The following ADAMTSL5 variants were observed in gnomAD, a reference collection of about 807,000 sequenced individuals.
The protein encoded by ADAMTSL5 is ADAMTS-like protein 5.
Under a neutral mutation model 51.7 loss-of-function variants are expected in ADAMTSL5, and 53 were observed. That is an observed-to-expected ratio of 1.03 (90% CI 0.82 to 1.29). The LOEUF (loss-of-function observed/expected upper bound fraction) is 1.29, where lower values mean the gene tolerates loss of function less well. Ranked by LOEUF, ADAMTSL5 falls within the 50% of genes most tolerant of loss-of-function variation. The probability of loss-of-function intolerance (pLI) is 0.00; values close to 1 mark genes in which losing one functional copy is unlikely to be tolerated. For synonymous variants in ADAMTSL5, 285 were observed against 278.7 expected (o/e 1.02, Z -0.23); for missense variants, 770 against 676.2 (o/e 1.14, Z -1.54).
rs566577816 is a variant in ADAMTSL5, at chr19:1,508,601, A to C, written c.362-31T>G. 5.4e-6 allele frequency: 8 copies of C among 1,485,178 alleles called. No homozygotes were observed. The East Asian group carries it at 2.0e-4, about 38-fold the overall frequency. 92.0% of individuals were successfully genotyped at this position (1,485,178 alleles called of 1,614,324 possible). On this transcript the variant is annotated intron_variant, in intron 5 of 11. Transcript: ENST00000330475. ...GGCAGGAGGAGTCGGTGGGCCGGGGACCCCTGTTCGAGCTCCAGTCCCCCT... is the reference window on the plus strand; with the variant it reads ...GGCAGGAGGAGTCGGTGGGCCGGGGCCCCCTGTTCGAGCTCCAGTCCCCCT...
chr19:1,510,040 C>T (rs1055646626), intron 5 of ADAMTSL5, 110 bp downstream of exon 5: 1 of 846,928 alleles, frequency 1.2e-6, no homozygotes. Context: ...TCCTTCAAAG[C>T]CCTAGCACTA....
chr19:1,507,513 C>T (rs762148041), intron 8 of ADAMTSL5, 44 bp downstream of exon 8: 2 of 1,608,636 alleles, frequency 1.2e-6, no homozygotes, highest in Non-Finnish European at 1.7e-6. Context: ...ACAACCGCCC[C>T]CGGGTGCCCA....
rs773263469 is a variant in ADAMTSL5, at chr19:1,506,557, G to A, written c.1114+33C>T. 2.5e-6 allele frequency: 4 copies of A among 1,602,874 alleles called. No individual in the cohort carries two copies. The South Asian group carries it at 3.4e-5, about 14-fold the overall frequency. On this transcript the variant is annotated intron_variant, in intron 11 of 11. Transcript: ENST00000330475. The surrounding 1 kb of genome is among the most constrained non-coding windows in gnomAD (Gnocchi z 5.6). ...GGTCAGGAGGAGGCCAGGTTAGTAG[G>A]GGCTAAGTCAGGGTAGAGGTCGGGG...
intron 5 of ADAMTSL5, 111 bp downstream of exon 5, chr19:1,510,039 G>T: frequency 1.2e-6 from 1 of 837,314 alleles, no homozygotes; most frequent in African/African-American, 1.7e-5. Context: ...ATCCTTCAAA[G>T]CCCTAGCACT....
chr19:1,511,041 G>A lies in ADAMTSL5; in HGVS notation c.-98C>T, dbSNP rs550499100. Reference sequence around the variant, plus strand: ...TAAACCTCTCTGAGCCCTACCTCTCGTCTCTGAAAAACGGGGTAATAGAGC... The same window carrying A: ...TAAACCTCTCTGAGCCCTACCTCTCATCTCTGAAAAACGGGGTAATAGAGC... On this transcript the variant is annotated 5_prime_UTR_variant, in exon 2 of 12. In the 5' UTR this introduces an upstream ATG that the reference lacks. Transcript: ENST00000330475. 2.8e-5 allele frequency: 27 copies of A among 968,716 alleles called. No homozygotes were observed. Among genetic ancestry groups the A allele is most frequent in the South Asian group, 1.2e-4 (3 of 25,040 alleles). 60.0% of individuals were successfully genotyped at this position (968,716 alleles called of 1,614,324 possible).
chr19:1,510,773 G>A (rs772399599), intron 2 of ADAMTSL5, 43 bp from the exon 3 acceptor site: 24 of 1,520,942 alleles, frequency 1.6e-5, no homozygotes, highest in South Asian at 9.8e-5. Context: ...GTAGGGGGAC[G>A]CTGGTGACCC....
rs747344681 is a variant in ADAMTSL5 at position 1,506,803 on chromosome 19, C to T, written c.978G>A (p.Gly326=). Residue 326 remains glycine, a synonymous_variant, in exon 10 of 12, where the codon GGG becomes GGA. Coordinates refer to ENST00000330475, the MANE Select transcript of ADAMTSL5 (RefSeq NM_213604.3). The surrounding 1 kb of genome is among the most constrained non-coding windows in gnomAD (Gnocchi z 5.6). ...GWPLRQPQPR[G]VEPQPPAAPA... is the part of the protein sequence containing the mutation. ...GGGCTGCGGGGGGCTGAGGCTCCAC[C>T]CCCCGGGGCTGAGGCTGCCTCAGGG... The T allele has an allele frequency of 1.9e-6, 3 of 1,539,016 alleles. No individual in the cohort carries two copies. Among genetic ancestry groups the T allele is most frequent in the Non-Finnish European group, 2.6e-6 (3 of 1,143,534 alleles).
chr19:1,508,088 AC>A lies in ADAMTSL5; in HGVS notation c.510del (p.Leu170PhefsTer40). The A allele has an allele frequency of 6.2e-7, 1 of 1,610,132 alleles. No homozygotes were observed. Among genetic ancestry groups the A allele is most frequent in the Non-Finnish European group, 8.5e-7 (1 of 1,178,824 alleles). On this transcript the variant is annotated frameshift_variant, in exon 7 of 12. Transcript: ENST00000330475. LOFTEE classifies it high-confidence loss of function. ...CGGTCCTCGAGGGCACCCGAGCCCA[AC>A]AACCCATCACAGCCGGCGCTCTAAA... ...GRCLSAGCDG[L>X]LGSGALEDRC...
At chr19:1,510,800 TC>T in intron 2 of ADAMTSL5, 44 bp downstream of exon 2, 1 of 1,512,960 alleles carries the variant, frequency 6.6e-7, no homozygotes, top group Non-Finnish European at 8.9e-7. Flanking sequence ...GCTGACTGGG[TC>T]CCCATTCCCA....
Position 1,508,423 on chromosome 19 carries a change from G to T in ADAMTSL5, c.489+20C>A. On this transcript the variant is annotated intron_variant, in intron 6 of 11. Transcript: ENST00000330475. ...AGTGGGAGGTGGGCGGGGCTCGGGC[G>T]GGGCCTGACGAGTCCTTACAAGGCA... 6.6e-7 allele frequency: 1 copy of T among 1,515,776 alleles called. No individual in the cohort carries two copies. The highest frequency in any genetic ancestry group is 1.2e-5 in the South Asian group (1 of 80,794). 93.9% of individuals were successfully genotyped at this position (1,515,776 alleles called of 1,614,324 possible).
chr19:1,510,389 C>G lies in ADAMTSL5; in HGVS notation c.231G>C (p.Glu77Asp). 6.2e-7 allele frequency: 1 copy of G among 1,613,174 alleles called. No homozygotes were observed. The highest frequency in any genetic ancestry group is 8.5e-7 in the Non-Finnish European group (1 of 1,179,874). The change falls in exon 4 of 12, where the codon GAG becomes GAC. Residue 77 changes from glutamate to aspartate, a missense_variant. Glu to Asp is a conservative substitution (Grantham distance 45). Coordinates refer to ENST00000330475, the MANE Select transcript of ADAMTSL5 (RefSeq NM_213604.3). The part of the protein sequence containing the change: ...GEEPCWGDSH[E>D]YRLCQLPDCP... Reference sequence around the variant, plus strand: ...TTACTGGCAACTGGCAGAGGCGGTACTCATGGGAGTCTCCCCAGCACGGTT... The same window carrying G: ...TTACTGGCAACTGGCAGAGGCGGTAGTCATGGGAGTCTCCCCAGCACGGTT...
chr19:1,507,204 G>A lies in ADAMTSL5; in HGVS notation c.852+38C>T, dbSNP rs376261059. Reference sequence around the variant, plus strand: ...CCCCAGCCTCTCCCCTCTGTCCCCAGCCGACCCCCTCTGACCCTGTTGGAG... The same window carrying A: ...CCCCAGCCTCTCCCCTCTGTCCCCAACCGACCCCCTCTGACCCTGTTGGAG... On this transcript the variant is annotated intron_variant, in intron 9 of 11. Transcript: ENST00000330475. The A allele has an allele frequency of 1.2e-4, 187 of 1,514,638 alleles. 1 individual carries two copies. The highest frequency in any genetic ancestry group is 1.6e-4 in the Non-Finnish European group (178 of 1,134,306). 93.8% of individuals were successfully genotyped at this position (1,514,638 alleles called of 1,614,324 possible).
In ADAMTSL5 at chr19:1,510,892, G is replaced by A; in HGVS notation, c.52C>T (p.Leu18Phe). 1 of 1,524,346 alleles carries A rather than the reference G, an allele frequency of 6.6e-7. No homozygotes were observed. Among genetic ancestry groups the A allele is most frequent in the Non-Finnish European group, 8.7e-7 (1 of 1,144,504 alleles). 94.4% of individuals were successfully genotyped at this position (1,524,346 alleles called of 1,614,324 possible). ...PRPHLFQNLL[L>F]FLWALLNCGL... ...CAGTTCAGCAGGGCCCACAGGAAGA[G>A]CAGGAGGTTCTGGAAGAGGTGGGGC... Residue 18 changes from leucine to phenylalanine, a missense_variant, in exon 2 of 12, where the codon CTC becomes TTC. Leu to Phe is a conservative substitution (Grantham distance 22, BLOSUM62 0). Coordinates refer to ENST00000330475, the MANE Select transcript of ADAMTSL5 (RefSeq NM_213604.3).
chr19:1,510,404 C>T lies in ADAMTSL5; in HGVS notation c.216G>A (p.Trp72Ter). The T allele has an allele frequency of 6.2e-7, 1 of 1,612,478 alleles. No homozygotes were observed. The highest frequency in any genetic ancestry group is 8.5e-7 in the Non-Finnish European group (1 of 1,179,782). ...AGAGGCGGTACTCATGGGAGTCTCC[C>T]CAGCACGGTTCTTCCCCAGGAAGCC... ...CLRLPGEEPCWGDSHEYRLCQ... is the reference protein window; with the variant it reads ...CLRLPGEEPC The change falls in exon 4 of 12, where the codon TGG becomes TGA. Residue 72 changes from tryptophan (W) to a stop codon, truncating the protein, a stop_gained. Coordinates refer to ENST00000330475, the MANE Select transcript of ADAMTSL5 (RefSeq NM_213604.3). LOFTEE classifies it high-confidence loss of function.
Position 1,506,736 on chromosome 19 carries a change from C to T in ADAMTSL5, c.1042+3G>A, listed in dbSNP as rs762472986. ...TCCCCCACCCTGGCTGTCCCCACCT[C>T]ACCTGGGGCCAGCGTTGGGGTCTGT... On this transcript the variant is annotated splice_donor_region_variant and intron_variant, in intron 10 of 11. Transcript: ENST00000330475. The surrounding 1 kb of genome is among the most constrained non-coding windows in gnomAD (Gnocchi z 5.6). The T allele has an allele frequency of 7.1e-6, 11 of 1,555,840 alleles. No individual in the cohort carries two copies. Among genetic ancestry groups the T allele is most frequent in the Non-Finnish European group, 9.6e-6 (11 of 1,149,622 alleles).
chr19:1,508,684 C>G, intron 5 of ADAMTSL5, 114 bp from the exon 6 acceptor site: 9 of 1,376,544 alleles, frequency 6.5e-6, no homozygotes, highest in Non-Finnish European at 8.5e-6. Context: ...GAGATTTGGC[C>G]AAAGCCACAC....
In ADAMTSL5 at chr19:1,505,985, G is replaced by A. The variant is rs780091584; in HGVS notation, c.*30C>T. ...GAGGCTGGTCAGATGTATCTTTCTT[G>A]CTGTGTGTGGCCGGGGCTCCTGCAG... On this transcript the variant is annotated 3_prime_UTR_variant, in exon 12 of 12. Coordinates refer to ENST00000330475, the MANE Select transcript of ADAMTSL5 (RefSeq NM_213604.3). 8.6e-6 allele frequency: 13 copies of A among 1,507,340 alleles called. No individual in the cohort carries two copies. The highest frequency in any genetic ancestry group is 2.8e-5 in the African/African-American group (2 of 72,302). 93.4% of individuals were successfully genotyped at this position (1,507,340 alleles called of 1,614,324 possible).
chr19:1,512,442 A>G (rs1913308451), intron 1 of ADAMTSL5, among the ~76,000 whole-genome samples: 1 of 152,044 alleles, frequency 6.6e-6, no homozygotes, highest in South Asian at 2.1e-4. Context: ...GCACTTTGGG[A>G]GGCCAAGACA....
Position 1,506,193 on chromosome 19 carries a change from C to A in ADAMTSL5, c.1238G>T (p.Gly413Val). The A allele has an allele frequency of 6.2e-7, 1 of 1,608,076 alleles. No homozygotes were observed. Among genetic ancestry groups the A allele is most frequent in the Non-Finnish European group, 8.5e-7 (1 of 1,176,564 alleles). Reference protein sequence around the residue: ...LRAREYVWAPGHCPCPMLAPH... With the variant: ...LRAREYVWAPVHCPCPMLAPH... Reference sequence around the variant, plus strand: ...TGCCAGCATCGGGCAGGGGCAGTGGCCTGGCGCCCACACGTACTCGCGTGC... The same window carrying A: ...TGCCAGCATCGGGCAGGGGCAGTGGACTGGCGCCCACACGTACTCGCGTGC... The change falls in exon 12 of 12, where the codon GGC becomes GTC. Residue 413 changes from glycine (G) to valine (V), a missense_variant. By Grantham distance (109) the Gly-to-Val change is moderately radical (BLOSUM62 -3). Transcript: ENST00000330475. The surrounding 1 kb of genome is among the most constrained non-coding windows in gnomAD (Gnocchi z 5.6).
Sources: allele counts gnomAD v4.1 joint callset (sites outside exome capture counted in the v4.1 genomes callset), GRCh38; gene constraint gnomAD v4.1.1; non-coding constraint Gnocchi (gnomAD v3.1); transcripts MANE v1.5; gene names NCBI Gene and HGNC (gene_info 2026-07-23, HGNC 2026-07-21).